Variants in NFASC observed in about 807,000 individuals in gnomAD.
NFASC encodes neurofascin homolog.
A neutral mutation model predicts 147.5 loss-of-function variants in NFASC; 43 were observed. That is an observed-to-expected ratio of 0.29 (90% CI 0.23 to 0.38). The LOEUF is 0.38. Ranked by LOEUF, NFASC falls within the 10% of genes least tolerant of loss-of-function variation. The probability of loss-of-function intolerance (pLI) is 1.00; values close to 1 mark genes in which losing one functional copy is unlikely to be tolerated. For missense variants in NFASC, 1,320 were observed against 1,689.0 expected (o/e 0.78, Z 3.83); for synonymous variants, 622 against 665.5 (o/e 0.93, Z 1.01).
intron 28 of NFASC, 30 bp downstream of exon 28, chr1:205,009,718 G>C (rs1289092719): frequency 6.2e-7 from 1 of 1,606,976 alleles, no homozygotes; most frequent in Non-Finnish European, 8.5e-7. Flanking sequence ...TGGGCTTGCA[G>C]GGTGGGGCAC....
At chr1:204,925,973 G>C (rs980937792) in intron 2 of NFASC, among the ~76,000 whole-genome samples, 26 of 152,162 alleles carry the variant, frequency 1.7e-4, no homozygotes, top group African/African-American at 4.8e-4. Context: ...CTCAGGGAGG[G>C]AGAGGTTTCT....
chr1:204,975,187 G>T lies in NFASC; in HGVS notation c.1559-84G>T. 6.7e-7 allele frequency: 1 copy of T among 1,487,754 alleles called. No homozygotes were observed. The highest frequency in any genetic ancestry group is 1.3e-5 in the South Asian group (1 of 77,562). The allele number at this position is 1,487,754 out of a possible 1,614,324, so 92.2% of individuals were successfully genotyped here. On this transcript the variant is annotated intron_variant, in intron 14 of 29. Transcript: ENST00000339876. This position sits in a 1 kb window ranked among gnomAD's most constrained non-coding sequence, Gnocchi z 4.0. ...CTCCATAGTTGGCCCAAGGCCTCGA[G>T]GGCAGACATATGCCACTTTGTGGCC...
Position 205,019,475 on chromosome 1 carries a change from CCATTCATT to C in NFASC, c.*2955_*2962del, listed in dbSNP as rs10528066. On this transcript the variant is annotated 3_prime_UTR_variant, in exon 30 of 30. Transcript: ENST00000339876. ...TGTGGTTTCCTGTGCTCTCATTTGT[CCATTCATT>C]CATTCATTCATTCATTCAGCAAATA... is the stretch of plus-strand genomic sequence containing the variant. 2 of 151,272 alleles carry C rather than the reference CCATTCATT, an allele frequency of 1.3e-5. No homozygotes were observed. The highest frequency in any genetic ancestry group is 2.9e-5 in the Non-Finnish European group (2 of 67,886). The allele number at this position is 151,272 out of a possible 1,614,324, so 9.4% of individuals were successfully genotyped here.
At chr1:204,879,661 T>C (rs1174344551) in intron 1 of NFASC, among the ~76,000 whole-genome samples, 1 of 152,236 alleles carries the variant, frequency 6.6e-6, no homozygotes, top group African/African-American at 2.4e-5. Flanking sequence ...GTGGGATTTA[T>C]TTTTATTTTG....
chr1:204,981,898 G>A lies in NFASC; in HGVS notation c.2348G>A (p.Gly783Asp). 6.2e-7 allele frequency: 1 copy of A among 1,608,432 alleles called. No homozygotes were observed. Among genetic ancestry groups the A allele is most frequent in the South Asian group, 1.1e-5 (1 of 89,916 alleles). ...GCCTGGAACAACGTCACAGTGTGGG[G>A]CTCTCGCTACGTGGTGGGGCAGACC... ...REAWNNVTVWGSRYVVGQTPV... is the reference protein window; with the variant it reads ...REAWNNVTVWDSRYVVGQTPV... Residue 783 changes from glycine to aspartate, a missense_variant, in exon 21 of 30, where the codon GGC becomes GAC. Gly to Asp is a moderately conservative substitution (Grantham distance 94). This residue lies in a region of NFASC where 981 missense variants were observed against 1,289.5 expected (regional missense o/e 0.76). Coordinates refer to ENST00000339876, the MANE Select transcript of NFASC (RefSeq NM_001005388.3).
Position 204,927,094 on chromosome 1 carries a change from A to C in NFASC, c.-91+6354A>C, listed in dbSNP as rs142847798. Among the ~76,000 whole-genome samples, 355 of 152,196 alleles carry C rather than the reference A, an allele frequency of 2.3e-3. 3 individuals are homozygous for C. The highest frequency in any genetic ancestry group is 7.7e-3 in the African/African-American group (319 of 41,528). ...CATCTCAAAAATAGATAGATGATAG[A>C]TAGATAGATGGATGGATGATACAAT... is the stretch of plus-strand genomic sequence containing the variant. On this transcript the variant is annotated intron_variant, in intron 2 of 29. Transcript: ENST00000339876.
At position 204,975,011 on chromosome 1, in the gene NFASC, C is replaced by T. The variant is rs1345397164; in HGVS notation, c.1558+188C>T. Among the ~76,000 whole-genome samples, 1 of 152,160 alleles carries T rather than the reference C, an allele frequency of 6.6e-6. No homozygotes were observed. Among genetic ancestry groups the T allele is most frequent in the Non-Finnish European group, 1.5e-5 (1 of 68,042 alleles). ...TCCAAAGAGAATTAGGAAGGGAAAC[C>T]TTCTGCTCACACCAACTCCCCACTA... is the stretch of plus-strand genomic sequence containing the variant. On this transcript the variant is annotated intron_variant, in intron 14 of 29. Coordinates refer to ENST00000339876, the MANE Select transcript of NFASC (RefSeq NM_001005388.3). This position sits in a 1 kb window ranked among gnomAD's most constrained non-coding sequence, Gnocchi z 4.0.
intron 1 of NFASC, among the ~76,000 whole-genome samples, chr1:204,888,302 C>T (rs1333444294): frequency 6.6e-6 from 1 of 152,206 alleles, no homozygotes; most frequent in Non-Finnish European, 1.5e-5. Flanking sequence ...GACAAAATTA[C>T]AACAAATTTA....
chr1:204,993,225 C>G (rs1011127651), intron 24 of NFASC, among the ~76,000 whole-genome samples: 1 of 152,222 alleles, frequency 6.6e-6, no homozygotes, highest in Non-Finnish European at 1.5e-5. Context: ...GATAATCCCT[C>G]TCATCCACCT....
chr1:204,881,480 C>A (rs1264483530), intron 1 of NFASC, among the ~76,000 whole-genome samples: 1 of 152,190 alleles, frequency 6.6e-6, no homozygotes, highest in Non-Finnish European at 1.5e-5. Flanking sequence ...CTCCCTGGAG[C>A]TCATTTCTGG....
chr1:204,940,903 C>T (rs2093320166), intron 2 of NFASC, among the ~76,000 whole-genome samples: 1 of 152,318 alleles, frequency 6.6e-6, no homozygotes, highest in Non-Finnish European at 1.5e-5. Context: ...CTGCTGTGAA[C>T]ATTTTGTGTA....
At chr1:204,885,051 C>G (rs1272304740) in intron 1 of NFASC, among the ~76,000 whole-genome samples, 2 of 151,854 alleles carry the variant, frequency 1.3e-5, no homozygotes, top group Non-Finnish European at 2.9e-5. Context: ...CACGTGAGAC[C>G]AAGAGTTTGA....
intron 1 of NFASC, among the ~76,000 whole-genome samples, chr1:204,843,368 A>G (rs1015461035): frequency 4.6e-5 from 7 of 152,212 alleles, no homozygotes; most frequent in African/African-American, 1.4e-4. Flanking sequence ...AGTTTCTCCC[A>G]ATGGTAACAT....
At chr1:204,937,631 A>G (rs1393102718) in intron 2 of NFASC, among the ~76,000 whole-genome samples, 2 of 151,976 alleles carry the variant, frequency 1.3e-5, no homozygotes, top group Non-Finnish European at 2.9e-5. Context: ...TTGGTAGCTC[A>G]CTTCTTTTGG....
At chr1:204,832,425 CTGCAAGGTGTGTGAAAGGATTTGG>C (rs148966899) in intron 1 of NFASC, among the ~76,000 whole-genome samples, 2,004 of 152,216 alleles carry the variant, frequency 0.013, 49 homozygotes, top group African/African-American at 0.045. Flanking sequence ...GTTCACACAC[CTGCAAGGTGTGTGAAAGGATTTGG>C]CATTATGGGG....
intron 1 of NFASC, among the ~76,000 whole-genome samples, chr1:204,894,426 A>G (rs1021152631): frequency 2.0e-5 from 3 of 152,242 alleles, no homozygotes; most frequent in African/African-American, 4.8e-5. Context: ...TTTAGTTTCA[A>G]AAACATTCAA....
rs906630053 is a variant in NFASC at position 204,902,981 on chromosome 1, G to A, written c.-199-17651G>A. Among the ~76,000 whole-genome samples, 9 of 152,248 alleles carry A rather than the reference G, an allele frequency of 5.9e-5. No individual in the cohort carries two copies. In the South Asian group the frequency reaches 1.2e-3, roughly 21 times the overall value. On this transcript the variant is annotated intron_variant, in intron 1 of 29. Coordinates refer to ENST00000339876, the MANE Select transcript of NFASC (RefSeq NM_001005388.3). ...ACAGAGTAGGTGGAAGGTTAGATTCGACCAGAGTTCTGAGTTTAGCCAACA... is the reference window on the plus strand; with the variant it reads ...ACAGAGTAGGTGGAAGGTTAGATTCAACCAGAGTTCTGAGTTTAGCCAACA...
rs771528854 is a variant in NFASC at position 204,979,739 on chromosome 1, G to C, written c.2176+180G>C. 1.3e-5 allele frequency among the ~76,000 whole-genome samples: 2 copies of C among 152,212 alleles called. No individual in the cohort carries two copies. The highest frequency in any genetic ancestry group is 2.4e-5 in the African/African-American group (1 of 41,442). On this transcript the variant is annotated intron_variant, in intron 19 of 29. Coordinates refer to ENST00000339876, the MANE Select transcript of NFASC (RefSeq NM_001005388.3). The surrounding 1 kb of genome is among the most constrained non-coding windows in gnomAD (Gnocchi z 6.0). The stretch of plus-strand genomic sequence containing the variant: ...TCACAGAGCTGTTGTGAACATTTGA[G>C]AATGTGTGCCAGGTACTTACTATGA...
intron 8 of NFASC, among the ~76,000 whole-genome samples, chr1:204,962,783 C>T (rs2094746706): frequency 6.6e-6 from 1 of 152,196 alleles, no homozygotes. Flanking sequence ...AGGCCTCTCT[C>T]CTCCTTTGGT....
Sources: gnomAD v4.1 joint callset for allele counts (sites outside exome capture counted in the v4.1 genomes callset) on GRCh38, gnomAD v4.1.1 for gene constraint, gnomAD v4.1.1 regional missense constraint, Gnocchi (gnomAD v3.1) non-coding constraint, MANE v1.5 for transcripts, NCBI Gene and HGNC (gene_info 2026-07-23, HGNC 2026-07-21) for gene names.